The following OPCML variants were observed in gnomAD, a reference collection of about 807,000 sequenced individuals.
The protein encoded by OPCML is opioid-binding protein/cell adhesion molecule.
In OPCML, 13 loss-of-function variants were observed where a neutral mutation model predicts 37.8. That is an observed-to-expected ratio of 0.34 (90% CI 0.22 to 0.55). The LOEUF is 0.55. Among genes scored for constraint, OPCML ranks in the 20% least tolerant of loss-of-function variants. OPCML has a pLI of 0.91. For synonymous variants in OPCML, 176 were observed against 168.8 expected (o/e 1.04, Z -0.33); for missense variants, 341 against 435.6 (o/e 0.78, Z 1.93).
chr11:132,554,540 A>G (rs2137452164), intron 3 of OPCML, among the ~76,000 whole-genome samples: 1 of 152,334 alleles, frequency 6.6e-6, no homozygotes, highest in Middle Eastern at 3.4e-3. Context: ...GTCACAAAAC[A>G]AGTTGGCCTG....
chr11:132,441,170 T>TTTTTTTTTTTTTTTG (rs1555122531), intron 4 of OPCML, among the ~76,000 whole-genome samples: 12 of 113,560 alleles, frequency 1.1e-4, no homozygotes, highest in Non-Finnish European at 2.0e-4. Context: ...TTTTTGTTTT[T>TTTTTTTTTTTTTTTG]TTTTTTTTTT....
chr11:132,420,018 C>T lies in OPCML; in HGVS notation c.*175G>A. 2.3e-6 allele frequency: 1 copy of T among 425,968 alleles called. No individual in the cohort carries two copies. The highest frequency in any genetic ancestry group is 2.4e-5 in the South Asian group (1 of 41,000). 26.4% of individuals were successfully genotyped at this position (425,968 alleles called of 1,614,324 possible). A position where few individuals can be genotyped will look rare whatever the true frequency, so the allele number is the denominator to read the frequency against. Reference sequence around the variant, plus strand: ...CCTGCCCACCCCGCCCCCAACCCCACTCATTCAAGCTGGAAATAAAAGCAA... The same window carrying T: ...CCTGCCCACCCCGCCCCCAACCCCATTCATTCAAGCTGGAAATAAAAGCAA... On this transcript the variant is annotated 3_prime_UTR_variant, in exon 8 of 8. Transcript: ENST00000524381.
At chr11:133,386,168 C>G (rs918303849) in intron 1 of OPCML, among the ~76,000 whole-genome samples, 5 of 152,180 alleles carry the variant, frequency 3.3e-5, no homozygotes, top group African/African-American at 1.2e-4. Flanking sequence ...ATTGTTACAA[C>G]GCAATAAATT....
At chr11:133,272,244 A>G (rs1434955151) in intron 1 of OPCML, among the ~76,000 whole-genome samples, 2 of 130,114 alleles carry the variant, frequency 1.5e-5, no homozygotes, top group Admixed American at 9.3e-5. Context: ...GTTGTAGGAT[A>G]TTTGGACTAA....
chr11:132,754,307 T>C (rs796367881), intron 2 of OPCML, among the ~76,000 whole-genome samples: 10 of 152,292 alleles, frequency 6.6e-5, no homozygotes, highest in African/African-American at 2.4e-4. Context: ...GTTTATTGAA[T>C]CATGGGGATA....
At chr11:133,290,592 C>G (rs1386916265) in intron 1 of OPCML, among the ~76,000 whole-genome samples, 1 of 152,138 alleles carries the variant, frequency 6.6e-6, no homozygotes, top group Non-Finnish European at 1.5e-5. Context: ...AGGCACCAGA[C>G]CCAGAGACCC....
chr11:132,680,860 A>G (rs2135851115), intron 2 of OPCML, among the ~76,000 whole-genome samples: 1 of 152,320 alleles, frequency 6.6e-6, no homozygotes, highest in South Asian at 2.1e-4. Context: ...ATTCAGCAGC[A>G]GAAGACGCCT....
intron 2 of OPCML, among the ~76,000 whole-genome samples, chr11:132,875,756 C>T (rs2136410314): frequency 6.6e-6 from 1 of 152,244 alleles, no homozygotes; most frequent in Non-Finnish European, 1.5e-5. Flanking sequence ...AGTCACCATG[C>T]CCAGCCTACC....
intron 1 of OPCML, among the ~76,000 whole-genome samples, chr11:133,348,966 G>A (rs1343578483): frequency 1.3e-5 from 2 of 152,174 alleles, no homozygotes; most frequent in African/African-American, 4.8e-5. Context: ...TGCAGGCCTG[G>A]GTGTGATCTA....
At chr11:132,960,060 TAGG>T (rs925086046) in intron 1 of OPCML, among the ~76,000 whole-genome samples, 3 of 152,142 alleles carry the variant, frequency 2.0e-5, no homozygotes, top group African/African-American at 7.2e-5. Context: ...AAGATTGAAC[TAGG>T]AGGTTTAAAA....
intron 1 of OPCML, among the ~76,000 whole-genome samples, chr11:132,983,400 T>C (rs1401817387): frequency 1.3e-5 from 2 of 152,236 alleles, no homozygotes; most frequent in Non-Finnish European, 2.9e-5. Flanking sequence ...TATTTCATTT[T>C]TTTTTCCTGT....
At position 133,205,499 on chromosome 11, in the gene OPCML, C is replaced by A. The variant is rs1939025607; in HGVS notation, c.62-262489G>T. 6.6e-6 allele frequency among the ~76,000 whole-genome samples: 1 copy of A among 152,170 alleles called. No individual in the cohort carries two copies. The highest frequency in any genetic ancestry group is 1.5e-5 in the Non-Finnish European group (1 of 68,036). On this transcript the variant is annotated intron_variant, in intron 1 of 7. Coordinates refer to ENST00000524381, the MANE Select transcript of OPCML (RefSeq NM_001012393.5). This position sits in a 1 kb window ranked among gnomAD's most constrained non-coding sequence, Gnocchi z 4.8. ...CCCAACCCAGGGCTTGCACCTAGCA[C>A]CTGAAGTGGGAGGCAGTGCTGTGGG... is the stretch of plus-strand genomic sequence containing the variant.
chr11:133,125,315 T>G (rs1949483833), intron 1 of OPCML, among the ~76,000 whole-genome samples: 1 of 152,068 alleles, frequency 6.6e-6, no homozygotes. Context: ...TGTTTGAGCT[T>G]TACCTACCAG....
chr11:132,920,889 G>T (rs542406583), intron 2 of OPCML, among the ~76,000 whole-genome samples: 1 of 152,050 alleles, frequency 6.6e-6, no homozygotes, highest in East Asian at 1.9e-4. Flanking sequence ...CATTAATCTC[G>T]GCTATCTCCT....
intron 2 of OPCML, among the ~76,000 whole-genome samples, chr11:132,742,828 A>T (rs1945479042): frequency 6.6e-6 from 1 of 150,428 alleles, no homozygotes; most frequent in Non-Finnish European, 1.5e-5. Flanking sequence ...TTATATACTC[A>T]TTATATATAA....
At chr11:132,618,023 T>C (rs916446060) in intron 3 of OPCML, among the ~76,000 whole-genome samples, 1 of 152,126 alleles carries the variant, frequency 6.6e-6, no homozygotes, top group Non-Finnish European at 1.5e-5. Context: ...TTAATACAAC[T>C]CTACTGCTTG....
At chr11:133,167,772 A>G (rs1306569484) in intron 1 of OPCML, among the ~76,000 whole-genome samples, 3 of 152,080 alleles carry the variant, frequency 2.0e-5, no homozygotes, top group African/African-American at 4.8e-5. Flanking sequence ...CAACTTGTCT[A>G]ACACTTTTTC....
chr11:133,159,840 G>A (rs975630006), intron 1 of OPCML, among the ~76,000 whole-genome samples: 91 of 152,152 alleles, frequency 6.0e-4, no homozygotes, highest in African/African-American at 1.9e-3. Flanking sequence ...CCCAGGGCAC[G>A]CGAGTTCTCA....
intron 2 of OPCML, among the ~76,000 whole-genome samples, chr11:132,742,995 G>T (rs898541160): frequency 2.6e-5 from 4 of 151,896 alleles, no homozygotes; most frequent in African/African-American, 9.7e-5. Flanking sequence ...TGTGTTCTTT[G>T]CCCACTTTTC....
Sources: gnomAD v4.1 joint callset for allele counts (sites outside exome capture counted in the v4.1 genomes callset) on GRCh38, gnomAD v4.1.1 for gene constraint, Gnocchi (gnomAD v3.1) non-coding constraint, MANE v1.5 for transcripts, NCBI Gene and HGNC (gene_info 2026-07-23, HGNC 2026-07-21) for gene names.